ANKRD29: variants seen among roughly 807,000 people sequenced by gnomAD.
ANKRD29 encodes ankyrin repeat domain-containing protein 29.
A neutral mutation model predicts 38.0 loss-of-function variants in ANKRD29; 32 were observed. That is an observed-to-expected ratio of 0.84 (90% confidence interval 0.64 to 1.13). The LOEUF (loss-of-function observed/expected upper bound fraction) is 1.13, where lower values mean the gene tolerates loss of function less well. ANKRD29 is among the 50% of genes most tolerant of loss of function. The pLI, the probability that ANKRD29 is intolerant of heterozygous loss-of-function variation, is 0.00. For missense variants in ANKRD29, 357 were observed against 377.9 expected, an observed-to-expected ratio of 0.94 and a Z score of 0.46; for synonymous variants, 135 against 152.4, an observed-to-expected ratio of 0.89 and a Z score of 0.84.
intron 6 of ANKRD29, among the ~76,000 whole-genome samples, chr18:23,626,195 T>A (rs2059860430): frequency 6.6e-6 from 1 of 152,192 alleles, no homozygotes; most frequent in African/African-American, 2.4e-5. Context: ...AACGTTTAAT[T>A]TCTGGGTCCA....
intron 1 of ANKRD29, among the ~76,000 whole-genome samples, chr18:23,650,736 T>G (rs950847768): frequency 1.3e-5 from 2 of 152,232 alleles, no homozygotes; most frequent in African/African-American, 4.8e-5. Context: ...TATTAAATGA[T>G]GCTGATTTTT....
chr18:23,629,860 G>C lies in ANKRD29; in HGVS notation c.521C>G (p.Pro174Arg), dbSNP rs767020214. Reference sequence around the variant, plus strand: ...GTCAACAGTGGACATTACCTGCCTTGGCTGGTTGACTTTTGCTCCTGAAGC... The same window carrying C: ...GTCAACAGTGGACATTACCTGCCTTCGCTGGTTGACTTTTGCTCCTGAAGC... ...LLASGAKVNQ[P>R]RQDGTAPLWI... Residue 174 changes from proline (P) to arginine (R), a missense_variant, in exon 6 of 10, where the codon CCA (proline) becomes CGA (arginine). By Grantham distance (103) the Pro-to-Arg change is moderately radical (BLOSUM62 -2). Coordinates refer to ENST00000592179, the MANE Select transcript of ANKRD29 (RefSeq NM_173505.4). The C allele has an allele frequency of 1.8e-5, 29 of 1,613,688 alleles. No individual in the cohort carries two copies. The highest frequency in any genetic ancestry group is 2.5e-5 in the Non-Finnish European group (29 of 1,179,958).
At chr18:23,610,082 G>A (rs1321204411) in intron 9 of ANKRD29, among the ~76,000 whole-genome samples, 1 of 152,164 alleles carries the variant, frequency 6.6e-6, no homozygotes, top group Non-Finnish European at 1.5e-5. Context: ...AACACAGTAA[G>A]ATATGCTTAG....
At chr18:23,640,707 T>C (rs2060062390) in intron 3 of ANKRD29, among the ~76,000 whole-genome samples, 1 of 152,230 alleles carries the variant, frequency 6.6e-6, no homozygotes, top group African/African-American at 2.4e-5. Flanking sequence ...CTGTGTAATA[T>C]GAGCAAAATA....
chr18:23,615,985 T>G (rs927444049), intron 8 of ANKRD29, among the ~76,000 whole-genome samples: 11 of 149,478 alleles, frequency 7.4e-5, no homozygotes, highest in Admixed American at 7.3e-4. Flanking sequence ...TATGTATGTA[T>G]GCATACTCTA....
Position 23,617,774 on chromosome 18 carries a change from T to C in ANKRD29, c.681A>G (p.Ile227Met), listed in dbSNP as rs747516384. 2 of 1,614,178 alleles carry C rather than the reference T, an allele frequency of 1.2e-6. No homozygotes were observed. Among genetic ancestry groups the C allele is most frequent in the South Asian group, 2.2e-5 (2 of 91,084 alleles). The change falls in exon 8 of 10, where the codon ATA becomes ATG. Residue 227 changes from isoleucine to methionine, a missense_variant. By Grantham distance (10) the Ile-to-Met change is conservative. Transcript: ENST00000592179. ...TGGGTGAGAATTTAAGCAACTCTTT[T>C]ATGACATCATTATACCCTTTGTTGG... The part of the protein sequence containing the change: ...KAANKGYNDV[I>M]KELLKFSPTL...
At chr18:23,653,538 C>T (rs1001443699) in intron 1 of ANKRD29, among the ~76,000 whole-genome samples, 3 of 152,070 alleles carry the variant, frequency 2.0e-5, no homozygotes, top group South Asian at 4.2e-4. Flanking sequence ...CGTGAGCCAC[C>T]GCACCTGGCC....
rs2059506923 is a variant in ANKRD29 at position 23,601,166 on chromosome 18, CA to C, written c.*59del. On this transcript the variant is annotated 3_prime_UTR_variant, in exon 10 of 10. Coordinates refer to ENST00000592179, the MANE Select transcript of ANKRD29 (RefSeq NM_173505.4). ...AGAATTTCCAACACTGCTTGAAATG[CA>C]ATTTCTTTTTGGACAATGTGGTTAA... The C allele has an allele frequency of 6.8e-7, 1 of 1,469,774 alleles. No individual in the cohort carries two copies. Among genetic ancestry groups the C allele is most frequent in the African/African-American group, 1.4e-5 (1 of 70,666 alleles). 91.0% of individuals were successfully genotyped at this position (1,469,774 alleles called of 1,614,324 possible).
chr18:23,623,969 A>T (rs2059828249), intron 6 of ANKRD29, among the ~76,000 whole-genome samples: 2 of 151,976 alleles, frequency 1.3e-5, no homozygotes, highest in African/African-American at 2.4e-5. Flanking sequence ...TAAATTAAAC[A>T]TATAAAAATA....
chr18:23,655,188 A>AC (rs922544578), intron 1 of ANKRD29, among the ~76,000 whole-genome samples: 1 of 138,000 alleles, frequency 7.2e-6, no homozygotes. Flanking sequence ...GACTGAGTGA[A>AC]CCCCCCTCTT....
intron 5 of ANKRD29, among the ~76,000 whole-genome samples, chr18:23,633,673 C>A (rs951659266): frequency 2.0e-5 from 3 of 152,022 alleles, no homozygotes; most frequent in Admixed American, 2.0e-4. Context: ...TGGGTTCAAG[C>A]GATTCTCCTG....
chr18:23,634,278 GTTTTT>G (rs71163626), intron 4 of ANKRD29, 129 bp from the exon 5 acceptor site: 238 of 372,996 alleles, frequency 6.4e-4, no homozygotes, highest in South Asian at 1.1e-3. Flanking sequence ...CACTTTCCCT[GTTTTT>G]TTTTTTTTTT....
intron 1 of ANKRD29, among the ~76,000 whole-genome samples, chr18:23,656,493 A>T (rs960602410): frequency 6.6e-6 from 1 of 152,220 alleles, no homozygotes; most frequent in African/African-American, 2.4e-5. Flanking sequence ...GTTAATAAAT[A>T]TTCAATTAAA....
intron 8 of ANKRD29, among the ~76,000 whole-genome samples, chr18:23,616,524 A>C (rs1278785682): frequency 7.0e-6 from 1 of 142,298 alleles, no homozygotes; most frequent in African/African-American, 2.6e-5. Context: ...CTCTGAAAAA[A>C]TGTAAATTTA....
At chr18:23,632,371 T>G (rs1384524790) in intron 5 of ANKRD29, among the ~76,000 whole-genome samples, 1 of 152,056 alleles carries the variant, frequency 6.6e-6, no homozygotes, top group Non-Finnish European at 1.5e-5. Context: ...AGAAAATATT[T>G]AGATTGTTTG....
intron 1 of ANKRD29, among the ~76,000 whole-genome samples, chr18:23,655,467 C>T (rs373486900): frequency 1.3e-5 from 2 of 151,848 alleles, no homozygotes; most frequent in Non-Finnish European, 2.9e-5. Context: ...TTTTTTGAGA[C>T]GGAGTCTCAC....
chr18:23,604,983 C>T (rs2059557525), intron 9 of ANKRD29, among the ~76,000 whole-genome samples: 1 of 151,958 alleles, frequency 6.6e-6, no homozygotes, highest in South Asian at 2.1e-4. Context: ...TGCAATGGCA[C>T]AATCTCTGCT....
intron 6 of ANKRD29, among the ~76,000 whole-genome samples, chr18:23,620,338 C>T (rs187438586): frequency 2.6e-5 from 4 of 152,280 alleles, no homozygotes; most frequent in Non-Finnish European, 5.9e-5. Context: ...AATATTTCCT[C>T]TGCGTATATT....
intron 9 of ANKRD29, among the ~76,000 whole-genome samples, chr18:23,604,350 G>A (rs2059549627): frequency 6.6e-6 from 1 of 152,128 alleles, no homozygotes; most frequent in South Asian, 2.1e-4. Flanking sequence ...CCTGGGTCTG[G>A]GGGGTGGTGT....
Sources: gnomAD v4.1 joint callset for allele counts (sites outside exome capture counted in the v4.1 genomes callset) on GRCh38, gnomAD v4.1.1 for gene constraint, MANE v1.5 for transcripts, NCBI Gene and HGNC (gene_info 2026-07-23, HGNC 2026-07-21) for gene names.